The following C1orf94 variants were observed in gnomAD, a reference collection of about 807,000 sequenced individuals.
C1orf94 encodes the protein chromosome 1 open reading frame 94, also known as uncharacterized protein C1orf94.
C1orf94 carries 45 observed loss-of-function variants against 53.6 expected under a neutral mutation model. That is an observed-to-expected ratio of 0.84 (90% CI 0.66 to 1.08). The LOEUF is 1.08. Ranked by LOEUF, C1orf94 falls within the 50% of genes least tolerant of loss-of-function variation. C1orf94 has a pLI of 0.00. For synonymous variants in C1orf94, 304 were observed against 296.1 expected (o/e 1.03, Z -0.27); for missense variants, 762 against 738.9 (o/e 1.03, Z -0.36).
intron 1 of C1orf94, among the ~76,000 whole-genome samples, chr1:34,169,596 TGAGAGAGAGAGAGA>T (rs568952022): frequency 1.0e-5 from 1 of 97,552 alleles, no homozygotes; most frequent in Admixed American, 1.3e-4. Context: ...CTTCTGAAGC[TGAGAGAGAGAGAGA>T]GAGAGAGAGA....
chr1:34,204,160 AC>A (rs1182117311), intron 4 of C1orf94, among the ~76,000 whole-genome samples: 1 of 152,126 alleles, frequency 6.6e-6, no homozygotes, highest in Non-Finnish European at 1.5e-5. Flanking sequence ...ACTCCTAGGA[AC>A]CCTATGTCAT....
chr1:34,204,374 C>G (rs1642761266), intron 4 of C1orf94, among the ~76,000 whole-genome samples: 1 of 152,026 alleles, frequency 6.6e-6, no homozygotes, highest in Admixed American at 6.5e-5. Context: ...CGTCCCCTCC[C>G]GAGGGAGGGA....
At chr1:34,211,193 GC>G (rs1271787354) in intron 5 of C1orf94, among the ~76,000 whole-genome samples, 1 of 152,062 alleles carries the variant, frequency 6.6e-6, no homozygotes, top group Non-Finnish European at 1.5e-5. Context: ...TAGGTAACGA[GC>G]CCCCCATCAT....
At chr1:34,199,988 A>G (rs1176249814) in intron 2 of C1orf94, among the ~76,000 whole-genome samples, 3 of 152,054 alleles carry the variant, frequency 2.0e-5, no homozygotes, top group South Asian at 2.1e-4. Context: ...TCCCTCTGCC[A>G]CCTCATGGTG....
intron 1 of C1orf94, among the ~76,000 whole-genome samples, chr1:34,170,754 AC>A (rs1290258927): frequency 7.5e-5 from 11 of 147,486 alleles, no homozygotes; most frequent in Non-Finnish European, 1.5e-4. Context: ...CTAGTTCTCC[AC>A]CCCAGCCTGC....
At chr1:34,193,460 G>A (rs895363643) in intron 1 of C1orf94, among the ~76,000 whole-genome samples, 9 of 152,172 alleles carry the variant, frequency 5.9e-5, no homozygotes, top group African/African-American at 7.2e-5. Flanking sequence ...GTGATGGGAC[G>A]AAACCAGCAA....
chr1:34,184,553 A>T (rs1333706377), intron 1 of C1orf94, among the ~76,000 whole-genome samples: 2 of 152,206 alleles, frequency 1.3e-5, no homozygotes, highest in African/African-American at 4.8e-5. Flanking sequence ...GCATTTTTTG[A>T]AAAACAGAAG....
intron 1 of C1orf94, among the ~76,000 whole-genome samples, chr1:34,194,101 G>T (rs1175335513): frequency 6.6e-6 from 1 of 152,208 alleles, no homozygotes; most frequent in Non-Finnish European, 1.5e-5. Context: ...TGGGGAAGAT[G>T]CTTTCTTCAT....
intron 5 of C1orf94, 36 bp from the exon 6 acceptor site, chr1:34,212,173 AT>A (rs1334343541): frequency 6.4e-7 from 1 of 1,560,550 alleles, no homozygotes; most frequent in African/African-American, 1.4e-5. Flanking sequence ...GGGCTGGGGA[AT>A]GGTGACCTCA....
chr1:34,204,029 C>T lies in C1orf94; in HGVS notation c.1446+1770C>T, dbSNP rs143405598. On this transcript the variant is annotated intron_variant, in intron 4 of 6. Transcript: ENST00000488417. ...GGAAGGGCAGGAACTCAAATTTGTGCACTCAGGACCTTGGCAATTTGCTGC... is the reference window on the plus strand; with the variant it reads ...GGAAGGGCAGGAACTCAAATTTGTGTACTCAGGACCTTGGCAATTTGCTGC... 7.2e-3 allele frequency among the ~76,000 whole-genome samples: 1,096 copies of T among 152,312 alleles called. 5 individuals are homozygous for T. The highest frequency in any genetic ancestry group is 0.011 in the Admixed American group (167 of 15,300).
intron 4 of C1orf94, 66 bp from the exon 5 acceptor site, chr1:34,208,091 G>T: frequency 6.6e-7 from 1 of 1,507,320 alleles, no homozygotes; most frequent in Non-Finnish European, 9.2e-7. Context: ...GAACTGAGCT[G>T]AGTAGCTGAT....
Position 34,178,010 on chromosome 1 carries a change from A to T in C1orf94, c.221A>T (p.Gln74Leu), listed in dbSNP as rs532358753. Residue 74 changes from glutamine to leucine, a missense_variant, in exon 1 of 7, where the codon CAA becomes CTA. Transcript: ENST00000488417. ...TGCCATGAAATCTGGAAGAGAGTTC[A>T]AGGCCTGCCTGAGGCCTCACAGCCC... ...KTCHEIWKRV[Q>L]GLPEASQPWT... 1 of 1,551,764 alleles carries T rather than the reference A, an allele frequency of 6.4e-7. No homozygotes were observed. Among genetic ancestry groups the T allele is most frequent in the East Asian group, 2.4e-5 (1 of 40,920 alleles).
At chr1:34,188,180 A>C (rs1642417485) in intron 1 of C1orf94, among the ~76,000 whole-genome samples, 1 of 152,208 alleles carries the variant, frequency 6.6e-6, no homozygotes, top group Non-Finnish European at 1.5e-5. Flanking sequence ...CAGGTGACTC[A>C]TGCATGTGTG....
chr1:34,210,923 G>C (rs555260202), intron 5 of C1orf94, among the ~76,000 whole-genome samples: 1 of 152,084 alleles, frequency 6.6e-6, no homozygotes, highest in African/African-American at 2.4e-5. Context: ...AAAGTGCTCG[G>C]TTACAGGCGT....
intron 5 of C1orf94, among the ~76,000 whole-genome samples, chr1:34,211,225 C>T (rs1450573392): frequency 6.6e-6 from 1 of 152,128 alleles, no homozygotes; most frequent in African/African-American, 2.4e-5. Flanking sequence ...AAGCAGATGC[C>T]TTAGTGGTCT....
chr1:34,207,260 GGGGTGTGT>G (rs1013703192), intron 4 of C1orf94, among the ~76,000 whole-genome samples: 2 of 90,664 alleles, frequency 2.2e-5, no homozygotes, highest in African/African-American at 1.0e-4. Flanking sequence ...GCAGTTCTGC[GGGGTGTGT>G]GTGTGTGTGT....
intron 1 of C1orf94, among the ~76,000 whole-genome samples, chr1:34,196,794 A>T (rs1642593643): frequency 6.6e-6 from 1 of 152,156 alleles, no homozygotes; most frequent in Admixed American, 6.5e-5. Context: ...CCCAGGGCTC[A>T]GCCCCAGCAC....
Position 34,212,296 on chromosome 1 carries a change from G to A in C1orf94, c.1611G>A (p.Gln537=), listed in dbSNP as rs1639763518. The change falls in exon 6 of 7, where the codon CAG becomes CAA. Residue 537 remains glutamine, a synonymous_variant. Transcript: ENST00000488417. ...TGCTGAGCTACATCCCTTTTGTCCAGCCCAATTATCCCTACCCTCAGAGGA... is the reference window on the plus strand; with the variant it reads ...TGCTGAGCTACATCCCTTTTGTCCAACCCAATTATCCCTACCCTCAGAGGA... ...TPLLSYIPFV[Q]PNYPYPQRTP... is the part of the protein sequence containing the mutation. The A allele has an allele frequency of 6.2e-7, 1 of 1,613,766 alleles. No individual in the cohort carries two copies. The highest frequency in any genetic ancestry group is 1.3e-5 in the African/African-American group (1 of 74,834).
At chr1:34,208,810 A>G (rs1264768762) in intron 5 of C1orf94, among the ~76,000 whole-genome samples, 5 of 152,068 alleles carry the variant, frequency 3.3e-5, no homozygotes, top group Non-Finnish European at 7.4e-5. Flanking sequence ...GGCAAGCAGA[A>G]ACACGTGATG....
Sources: allele counts gnomAD v4.1 joint callset (sites outside exome capture counted in the v4.1 genomes callset), GRCh38; gene constraint gnomAD v4.1.1; transcripts MANE v1.5; gene names NCBI Gene and HGNC (gene_info 2026-07-23, HGNC 2026-07-21).